Variants in AFAP1 observed in about 807,000 individuals in gnomAD.
AFAP1 encodes the protein actin filament associated protein 1, also known as actin filament-associated protein 1.
A neutral mutation model predicts 93.9 loss-of-function variants in AFAP1; 75 were observed. That is an observed-to-expected ratio of 0.80 (90% confidence interval 0.66 to 0.97). AFAP1 has a LOEUF of 0.97. Ranked by LOEUF, AFAP1 falls within the 50% of genes least tolerant of loss-of-function variation. The probability of loss-of-function intolerance (pLI) is 0.00; values close to 1 mark genes in which losing one functional copy is unlikely to be tolerated. For missense variants in AFAP1, 1,201 were observed against 1,050.8 expected (o/e 1.14, Z -1.98); for synonymous variants, 517 against 430.7 (o/e 1.20, Z -2.48).
intron 1 of AFAP1, among the ~76,000 whole-genome samples, chr4:7,918,167 C>T (rs7694106): frequency 1.4e-5 from 2 of 146,380 alleles, no homozygotes; most frequent in Non-Finnish European, 3.1e-5. Flanking sequence ...ACCAGGAAAC[C>T]GGGCTGCCAG....
chr4:7,857,239 C>T (rs535919220), intron 3 of AFAP1, among the ~76,000 whole-genome samples: 4 of 152,188 alleles, frequency 2.6e-5, no homozygotes, highest in South Asian at 2.1e-4. Context: ...GGGGCTGTTG[C>T]GTTTTTTTAA....
rs1460080895 is a variant in AFAP1 at position 7,843,200 on chromosome 4, C to T, written c.485G>A (p.Arg162Gln). 6 of 1,614,092 alleles carry T rather than the reference C, an allele frequency of 3.7e-6. No individual in the cohort carries two copies. Among genetic ancestry groups the T allele is most frequent in the African/African-American group, 1.3e-5 (1 of 74,926 alleles). Residue 162 changes from arginine to glutamine, a missense_variant, in exon 5 of 18, where the codon CGG becomes CAG. Transcript: ENST00000420658. ...KDAKICAFLL[R>Q]KKRFGQWTKL... ...GGTCCACTGGCCGAACCGCTTCTTC[C>T]GCAGCAGGAAGGCGCAGATTTTGGC...
At chr4:7,882,269 A>AAAAAAAC (rs771196178) in intron 1 of AFAP1, among the ~76,000 whole-genome samples, 78 of 152,274 alleles carry the variant, frequency 5.1e-4, no homozygotes, top group Admixed American at 2.4e-3. Flanking sequence ...TTACCCTCAC[A>AAAAAAAC]AAAAAACAAA....
At chr4:7,921,427 C>T (rs892875555) in intron 1 of AFAP1, among the ~76,000 whole-genome samples, 3 of 151,958 alleles carry the variant, frequency 2.0e-5, no homozygotes, top group Admixed American at 6.6e-5. Context: ...TCAGGTGATC[C>T]GCCTGTCTCC....
At chr4:7,907,032 CATG>C (rs1429227167) in intron 1 of AFAP1, among the ~76,000 whole-genome samples, 10 of 150,948 alleles carry the variant, frequency 6.6e-5, no homozygotes, top group East Asian at 5.8e-4. Flanking sequence ...TCAAATGTCA[CATG>C]ATGATATTAA....
At chr4:7,772,763 G>A in intron 16 of AFAP1, 57 bp downstream of exon 16, 1 of 1,540,978 alleles carries the variant, frequency 6.5e-7, no homozygotes, top group South Asian at 1.2e-5. Context: ...TGGGTGCACT[G>A]GCCCTCGGCC....
At chr4:7,841,906 A>C (rs1227414147) in intron 5 of AFAP1, among the ~76,000 whole-genome samples, 3 of 151,586 alleles carry the variant, frequency 2.0e-5, no homozygotes, top group Non-Finnish European at 1.5e-5. Context: ...GAGGGAGAGG[A>C]GGGCAGGGGA....
chr4:7,789,132 G>C (rs1319159601), intron 11 of AFAP1: 1 of 152,354 alleles, frequency 6.6e-6, no homozygotes, highest in African/African-American at 2.4e-5. Context: ...GGCCCAGTGA[G>C]GACAACTCTG....
intron 10 of AFAP1, among the ~76,000 whole-genome samples, chr4:7,796,749 C>CAAAAA (rs71647622): frequency 1.0e-5 from 1 of 96,668 alleles, no homozygotes; most frequent in Non-Finnish European, 2.0e-5. Flanking sequence ...AGACTTGTCT[C>CAAAAA]AAAAAAAAAA....
At position 7,762,440 on chromosome 4, in the gene AFAP1, C is replaced by T. The variant is rs763020253; in HGVS notation, c.*1325G>A. 3.9e-5 allele frequency: 6 copies of T among 152,224 alleles called. No homozygotes were observed. The East Asian group carries it at 7.7e-4, about 20-fold the overall frequency. The allele number at this position is 152,224 out of a possible 1,614,324, so 9.4% of individuals were successfully genotyped here. A position where few individuals can be genotyped will look rare whatever the true frequency, so the allele number is the denominator to read the frequency against. On this transcript the variant is annotated 3_prime_UTR_variant, in exon 18 of 18. Coordinates refer to ENST00000420658, the MANE Select transcript of AFAP1 (RefSeq NM_001134647.2). Reference sequence around the variant, plus strand: ...GGAGGCGTTCAGGGGTGACTTATTTCGTCATAAGTGACTGCATCTTCCCGT... The same window carrying T: ...GGAGGCGTTCAGGGGTGACTTATTTTGTCATAAGTGACTGCATCTTCCCGT...
At chr4:7,927,591 G>A (rs549873926) in intron 1 of AFAP1, among the ~76,000 whole-genome samples, 2 of 152,312 alleles carry the variant, frequency 1.3e-5, no homozygotes, top group South Asian at 4.1e-4. Flanking sequence ...TTGGGAGGCC[G>A]AGGCAGGAGG....
intron 13 of AFAP1, among the ~76,000 whole-genome samples, chr4:7,780,558 G>C (rs1313012862): frequency 6.6e-6 from 1 of 152,094 alleles, no homozygotes; most frequent in African/African-American, 2.4e-5. Flanking sequence ...TGTGCCTGTT[G>C]TCCCAGCTAC....
chr4:7,796,359 G>A (rs1285271910), intron 10 of AFAP1, among the ~76,000 whole-genome samples: 1 of 152,192 alleles, frequency 6.6e-6, no homozygotes, highest in African/African-American at 2.4e-5. Context: ...CATGGCAAAG[G>A]ACAAACAGCC....
intron 1 of AFAP1, among the ~76,000 whole-genome samples, chr4:7,929,366 A>G (rs1222383245): frequency 3.3e-5 from 5 of 152,162 alleles, no homozygotes; most frequent in Admixed American, 6.5e-5. Context: ...CATTAATGAC[A>G]TGGAGGTGAC....
chr4:7,777,594 G>A (rs959290088), intron 14 of AFAP1: 1 of 152,186 alleles, frequency 6.6e-6, no homozygotes, highest in Admixed American at 6.5e-5. Flanking sequence ...TTACCACCTG[G>A]GGCTAGCTGG....
chr4:7,845,083 G>A (rs1034601488), intron 4 of AFAP1, among the ~76,000 whole-genome samples: 1 of 152,178 alleles, frequency 6.6e-6, no homozygotes, highest in East Asian at 1.9e-4. Flanking sequence ...CTAGCAGGGA[G>A]GAACAGAAAG....
In AFAP1 at chr4:7,925,008, G is replaced by A. The variant is rs1005260243; in HGVS notation, c.-3+14648C>T. On this transcript the variant is annotated intron_variant, in intron 1 of 17. Transcript: ENST00000420658. ...CCCACAACAGCCTCCACCGGGAGCC[G>A]TTCTTTTCCATCCTGAAGCTTCCCC... 1.6e-4 allele frequency among the ~76,000 whole-genome samples: 24 copies of A among 151,996 alleles called. No homozygotes were observed. The East Asian group carries it at 3.5e-3, about 22-fold the overall frequency.
intron 4 of AFAP1, among the ~76,000 whole-genome samples, chr4:7,847,983 G>C (rs1713935575): frequency 6.6e-6 from 1 of 151,822 alleles, no homozygotes; most frequent in Non-Finnish European, 1.5e-5. Context: ...ATAGGAGATT[G>C]ACAGATTAGA....
intron 4 of AFAP1, among the ~76,000 whole-genome samples, chr4:7,849,934 C>T (rs1714245716): frequency 6.6e-6 from 1 of 151,070 alleles, no homozygotes; most frequent in Admixed American, 6.6e-5. Flanking sequence ...CTGCTGTGAC[C>T]ATGTAAAAGG....
Sources: allele counts gnomAD v4.1 joint callset (sites outside exome capture counted in the v4.1 genomes callset), GRCh38; gene constraint gnomAD v4.1.1; transcripts MANE v1.5; gene names NCBI Gene and HGNC (gene_info 2026-07-23, HGNC 2026-07-21).